DIS3L2: variants seen among roughly 807,000 people sequenced by gnomAD.
DIS3L2 encodes the protein DIS3-like exonuclease 2.
A neutral mutation model predicts 97.5 loss-of-function variants in DIS3L2; 34 were observed. The ratio of observed to expected loss-of-function variants is 0.35; its 90% CI spans 0.27 to 0.46. DIS3L2 has a LOEUF of 0.46. DIS3L2 is among the 20% of genes least tolerant of loss of function. The pLI, the probability that DIS3L2 is intolerant of heterozygous loss-of-function variation, is 1.00. For synonymous variants in DIS3L2, 435 were observed against 445.2 expected (o/e 0.98, Z 0.29); for missense variants, 1,038 against 1,146.0 (o/e 0.91, Z 1.36).
chr2:232,253,146 G>A (rs1282035234), intron 12 of DIS3L2, among the ~76,000 whole-genome samples: 4 of 152,136 alleles, frequency 2.6e-5, no homozygotes, highest in African/African-American at 9.7e-5. Context: ...AAGTGAAAAA[G>A]ACAAGCAATC....
In DIS3L2 at chr2:232,037,639, A is replaced by G. The variant is rs991251080; in HGVS notation, c.366+7559A>G. 7.9e-5 allele frequency among the ~76,000 whole-genome samples: 12 copies of G among 152,216 alleles called. No individual in the cohort carries two copies. Among genetic ancestry groups the G allele is most frequent in the African/African-American group, 2.9e-4 (12 of 41,540 alleles). On this transcript the variant is annotated intron_variant, in intron 5 of 20. Transcript: ENST00000325385. This position sits in a 1 kb window ranked among gnomAD's most constrained non-coding sequence, Gnocchi z 4.6. ...TGCCCAAACGTCTGCCCAGTTTTGT[A>G]CTTGAAACCCAGGGCCCTTGTGGTA... is the stretch of plus-strand genomic sequence containing the variant.
At chr2:232,128,260 A>G (rs1698123255) in intron 6 of DIS3L2, among the ~76,000 whole-genome samples, 1 of 151,884 alleles carries the variant, frequency 6.6e-6, no homozygotes, top group Non-Finnish European at 1.5e-5. Flanking sequence ...CCACCCTATA[A>G]TTTTATATTT....
At chr2:232,215,758 G>C (rs1692315478) in intron 10 of DIS3L2, among the ~76,000 whole-genome samples, 1 of 152,152 alleles carries the variant, frequency 6.6e-6, no homozygotes, top group Admixed American at 6.5e-5. Context: ...GCCAGGCTTT[G>C]GCTAGAAAAC....
At chr2:232,164,833 C>T (rs1430319838) in intron 9 of DIS3L2, among the ~76,000 whole-genome samples, 3 of 152,102 alleles carry the variant, frequency 2.0e-5, no homozygotes, top group African/African-American at 4.8e-5. Flanking sequence ...TTCAGGGGCT[C>T]CGAGGTCTTG....
At chr2:232,288,788 G>A (rs897533747) in intron 13 of DIS3L2, among the ~76,000 whole-genome samples, 4 of 152,134 alleles carry the variant, frequency 2.6e-5, no homozygotes, top group African/African-American at 9.7e-5. Context: ...GTTTAAACTT[G>A]CCTGGATCTC....
chr2:232,148,033 T>C (rs1409071695), intron 8 of DIS3L2, among the ~76,000 whole-genome samples: 1 of 116,694 alleles, frequency 8.6e-6, no homozygotes, highest in African/African-American at 3.3e-5. Context: ...TCTCTTCTCC[T>C]GTCCCCTCCC....
chr2:232,108,905 A>G (rs1042445470), intron 6 of DIS3L2, among the ~76,000 whole-genome samples: 3 of 152,200 alleles, frequency 2.0e-5, no homozygotes, highest in African/African-American at 7.2e-5. Flanking sequence ...AAGAAATCAG[A>G]GATGACGCAA....
intron 3 of DIS3L2, among the ~76,000 whole-genome samples, chr2:232,021,601 T>C (rs989016430): frequency 2.0e-5 from 3 of 151,886 alleles, no homozygotes; most frequent in Non-Finnish European, 2.9e-5. Flanking sequence ...CCCAAAAATA[T>C]ATATAGTAGT....
intron 11 of DIS3L2, among the ~76,000 whole-genome samples, chr2:232,246,065 C>T (rs1310444483): frequency 6.6e-6 from 1 of 152,172 alleles, no homozygotes; most frequent in Non-Finnish European, 1.5e-5. Context: ...GCCCTTGCTC[C>T]TGAGGTTTCA....
chr2:232,323,797 T>C (rs1366068481), intron 14 of DIS3L2, among the ~76,000 whole-genome samples: 1 of 151,444 alleles, frequency 6.6e-6, no homozygotes, highest in African/African-American at 2.4e-5. Context: ...GCAGGGTGCA[T>C]GGCCAGCTGT....
At chr2:232,329,785 T>TGCCGGGGGGGGCACCC in intron 14 of DIS3L2, 28 bp from the exon 15 acceptor site, 1 of 967,142 alleles carries the variant, frequency 1.0e-6, no homozygotes, top group Non-Finnish European at 1.5e-6. Flanking sequence ...ACCCCAGCGG[T>TGCCGGGGGGGGCACCC]CCCTCCCATC....
chr2:232,026,738 A>T lies in DIS3L2; in HGVS notation c.264+2408A>T, dbSNP rs368324219. 9.2e-5 allele frequency among the ~76,000 whole-genome samples: 14 copies of T among 152,282 alleles called. No individual in the cohort carries two copies. The East Asian group carries it at 1.9e-3, about 21-fold the overall frequency. On this transcript the variant is annotated intron_variant, in intron 4 of 20. Coordinates refer to ENST00000325385, the MANE Select transcript of DIS3L2 (RefSeq NM_152383.5). ...TTCAAGTAATTTACATCTGCAAATG[A>T]TGTATCTCCATGGTGTAACCTGGCT...
At chr2:232,028,938 T>C (rs1694732767) in intron 4 of DIS3L2, among the ~76,000 whole-genome samples, 1 of 152,198 alleles carries the variant, frequency 6.6e-6, no homozygotes, top group Non-Finnish European at 1.5e-5. Flanking sequence ...CTAGAAGATC[T>C]CTAATGGTTT....
intron 9 of DIS3L2, among the ~76,000 whole-genome samples, chr2:232,188,174 C>T (rs1310044327): frequency 6.6e-6 from 1 of 152,068 alleles, no homozygotes; most frequent in Non-Finnish European, 1.5e-5. Context: ...GGAAACAACC[C>T]AATCAACTGT....
At chr2:232,203,556 A>G (rs1192919988) in intron 9 of DIS3L2, among the ~76,000 whole-genome samples, 1 of 152,328 alleles carries the variant, frequency 6.6e-6, no homozygotes, top group East Asian at 1.9e-4. Context: ...TTTTTCATTC[A>G]TCTGTCCATC....
In DIS3L2 at chr2:232,330,851, A is replaced by T; in HGVS notation, c.2010+75A>T. Reference sequence around the variant, plus strand: ...CCCAGACCTGTGACCTCCACGTGCAAGCACAGGCCCCCACCGTTCCTGCCT... The same window carrying T: ...CCCAGACCTGTGACCTCCACGTGCATGCACAGGCCCCCACCGTTCCTGCCT... On this transcript the variant is annotated intron_variant, in intron 16 of 20. Coordinates refer to ENST00000325385, the MANE Select transcript of DIS3L2 (RefSeq NM_152383.5). 4.3e-6 allele frequency: 6 copies of T among 1,410,974 alleles called. No homozygotes were observed. In the South Asian group the frequency reaches 6.9e-5, roughly 16 times the overall value. The allele number at this position is 1,410,974 out of a possible 1,614,324, so 87.4% of individuals were successfully genotyped here.
intron 9 of DIS3L2, among the ~76,000 whole-genome samples, chr2:232,190,409 A>C (rs557669916): frequency 1.3e-5 from 2 of 152,336 alleles, no homozygotes; most frequent in African/African-American, 4.8e-5. Context: ...GGATATGCCT[A>C]CGTGGTCCTT....
At chr2:232,096,325 A>AT (rs561035277) in intron 6 of DIS3L2, among the ~76,000 whole-genome samples, 1,714 of 151,396 alleles carry the variant, frequency 0.011, 19 homozygotes, top group Non-Finnish European at 0.016. Flanking sequence ...TGACCTCGTG[A>AT]TCTGCCCACC....
At chr2:232,030,660 T>C (rs1471319950) in intron 5 of DIS3L2, among the ~76,000 whole-genome samples, 1 of 152,206 alleles carries the variant, frequency 6.6e-6, no homozygotes, top group African/African-American at 2.4e-5. Context: ...AAGGAAGATA[T>C]GGTTTTAGTT....
Sources: allele counts gnomAD v4.1 joint callset (sites outside exome capture counted in the v4.1 genomes callset), GRCh38; gene constraint gnomAD v4.1.1; non-coding constraint Gnocchi (gnomAD v3.1); transcripts MANE v1.5; gene names NCBI Gene and HGNC (gene_info 2026-07-23, HGNC 2026-07-21).